LRRTM4: variants seen among roughly 807,000 people sequenced by gnomAD.
The protein encoded by LRRTM4 is leucine-rich repeat transmembrane neuronal protein 4.
A neutral mutation model predicts 47.6 loss-of-function variants in LRRTM4; 25 were observed. The ratio of observed to expected loss-of-function variants is 0.53; its 90% CI spans 0.38 to 0.73. The LOEUF (loss-of-function observed/expected upper bound fraction) is 0.73. Among genes scored for constraint, LRRTM4 ranks in the 30% least tolerant of loss-of-function variants. The pLI is 0.00. For synonymous variants in LRRTM4, 311 were observed against 269.5 expected, an observed-to-expected ratio of 1.15 and a Z score of -1.51; for missense variants, 638 against 713.4, an observed-to-expected ratio of 0.89 and a Z score of 1.20.
At chr2:77,179,319 T>A (rs1236515504) in intron 3 of LRRTM4, among the ~76,000 whole-genome samples, 1 of 152,196 alleles carries the variant, frequency 6.6e-6, no homozygotes, top group Non-Finnish European at 1.5e-5. Flanking sequence ...GAAATCTAAT[T>A]TGGCATTGTA....
intron 3 of LRRTM4, among the ~76,000 whole-genome samples, chr2:77,361,562 C>A (rs1031074278): frequency 1.3e-5 from 2 of 152,280 alleles, no homozygotes; most frequent in Admixed American, 6.5e-5. Context: ...TCCCACATAT[C>A]CTCTTCACAG....
At chr2:77,070,085 G>A (rs1214646240) in intron 3 of LRRTM4, among the ~76,000 whole-genome samples, 1 of 152,060 alleles carries the variant, frequency 6.6e-6, no homozygotes, top group African/African-American at 2.4e-5. Flanking sequence ...ATGAGGCTAT[G>A]AATGAGCTAT....
At chr2:76,976,363 G>T (rs887414495) in intron 3 of LRRTM4, among the ~76,000 whole-genome samples, 62 of 151,246 alleles carry the variant, frequency 4.1e-4, no homozygotes, top group Non-Finnish European at 4.9e-4. Flanking sequence ...TTTGAATGAA[G>T]AAACCCATAT....
intron 3 of LRRTM4, among the ~76,000 whole-genome samples, chr2:77,441,465 C>T (rs867012301): frequency 2.8e-4 from 42 of 152,100 alleles, no homozygotes; most frequent in Middle Eastern, 6.8e-3. Context: ...TTCTGCTGTT[C>T]GATATTTACA....
At chr2:76,901,038 T>C (rs1425942966) in intron 3 of LRRTM4, among the ~76,000 whole-genome samples, 1 of 152,202 alleles carries the variant, frequency 6.6e-6, no homozygotes, top group Non-Finnish European at 1.5e-5. Flanking sequence ...AAAATTGTTT[T>C]TTTAATTTGT....
chr2:77,460,447 G>C (rs955501072), intron 3 of LRRTM4, among the ~76,000 whole-genome samples: 8 of 151,998 alleles, frequency 5.3e-5, no homozygotes, highest in African/African-American at 1.9e-4. Flanking sequence ...GGTCTAAAGA[G>C]GATGACAATG....
At chr2:77,470,184 C>T (rs938877915) in intron 3 of LRRTM4, among the ~76,000 whole-genome samples, 4 of 151,960 alleles carry the variant, frequency 2.6e-5, no homozygotes, top group Non-Finnish European at 4.4e-5. Flanking sequence ...ATAAGCTGTG[C>T]CTATCATTCA....
intron 3 of LRRTM4, among the ~76,000 whole-genome samples, chr2:77,278,646 A>G (rs1266301475): frequency 6.6e-6 from 1 of 152,024 alleles, no homozygotes; most frequent in Non-Finnish European, 1.5e-5. Context: ...AAGTTAGAGC[A>G]AAGGGGCCAT....
intron 3 of LRRTM4, among the ~76,000 whole-genome samples, chr2:77,389,259 A>G (rs1673408606): frequency 6.6e-6 from 1 of 152,104 alleles, no homozygotes; most frequent in South Asian, 2.1e-4. Context: ...AGGATAGATA[A>G]TTAAAAGGGC....
At chr2:76,978,411 T>G (rs932104610) in intron 3 of LRRTM4, among the ~76,000 whole-genome samples, 2 of 152,092 alleles carry the variant, frequency 1.3e-5, no homozygotes, top group Non-Finnish European at 2.9e-5. Flanking sequence ...CTGTAGTCAT[T>G]TTTTCTTATG....
intron 3 of LRRTM4, among the ~76,000 whole-genome samples, chr2:77,106,601 T>C (rs1039708137): frequency 3.3e-5 from 5 of 152,032 alleles, no homozygotes; most frequent in African/African-American, 1.2e-4. Context: ...TAAACACTTG[T>C]AGTGAGATAG....
intron 3 of LRRTM4, among the ~76,000 whole-genome samples, chr2:77,357,211 G>C (rs1671999962): frequency 6.6e-6 from 1 of 151,958 alleles, no homozygotes; most frequent in African/African-American, 2.4e-5. Flanking sequence ...TGGAAGTGAA[G>C]GATAATTTCA....
At chr2:76,777,907 A>G (rs1446443664) in intron 3 of LRRTM4, among the ~76,000 whole-genome samples, 1 of 142,302 alleles carries the variant, frequency 7.0e-6, no homozygotes, top group Non-Finnish European at 1.5e-5. Flanking sequence ...TGTCATAGAT[A>G]GCTCTTATTA....
intron 3 of LRRTM4, among the ~76,000 whole-genome samples, chr2:77,066,108 C>T (rs747670872): frequency 6.6e-6 from 1 of 152,122 alleles, no homozygotes; most frequent in Non-Finnish European, 1.5e-5. Flanking sequence ...AATGTGAATA[C>T]TAAGAACTCA....
At chr2:76,788,802 C>T (rs886837087) in intron 3 of LRRTM4, among the ~76,000 whole-genome samples, 1 of 152,046 alleles carries the variant, frequency 6.6e-6, no homozygotes, top group Non-Finnish European at 1.5e-5. Flanking sequence ...TAGTTAAGGA[C>T]TCAAACATAG....
chr2:77,428,689 T>C (rs1675226333), intron 3 of LRRTM4, among the ~76,000 whole-genome samples: 1 of 152,182 alleles, frequency 6.6e-6, no homozygotes, highest in Non-Finnish European at 1.5e-5. Context: ...GTATTGTCAA[T>C]AGAAAACACA....
At chr2:77,210,078 C>A (rs1404640337) in intron 3 of LRRTM4, among the ~76,000 whole-genome samples, 2 of 152,178 alleles carry the variant, frequency 1.3e-5, no homozygotes, top group South Asian at 2.1e-4. Context: ...TATACCAAGA[C>A]CTATTTTATT....
chr2:76,801,663 A>AT (rs1035174803), intron 3 of LRRTM4, among the ~76,000 whole-genome samples: 3 of 151,814 alleles, frequency 2.0e-5, no homozygotes, highest in South Asian at 2.1e-4. Flanking sequence ...TTAAAGTATA[A>AT]TAAAAAAAAA....
intron 3 of LRRTM4, among the ~76,000 whole-genome samples, chr2:77,083,328 G>C (rs566813051): frequency 1.3e-5 from 2 of 152,258 alleles, no homozygotes; most frequent in African/African-American, 4.8e-5. Context: ...CCTGAGGAGT[G>C]CTGATGATTC....
Sources: allele counts gnomAD v4.1 joint callset (sites outside exome capture counted in the v4.1 genomes callset), GRCh38; gene constraint gnomAD v4.1.1; transcripts MANE v1.5; gene names NCBI Gene and HGNC (gene_info 2026-07-23, HGNC 2026-07-21).